DOK5: variants seen among roughly 807,000 people sequenced by gnomAD.
DOK5 encodes downstream of tyrosine kinase 5.
In DOK5, 27 loss-of-function variants were observed where a neutral mutation model predicts 43.3. The ratio of observed to expected loss-of-function variants is 0.62; its 90% CI spans 0.46 to 0.86. The LOEUF is 0.86. Among genes scored for constraint, DOK5 ranks in the 40% least tolerant of loss-of-function variants. The probability of loss-of-function intolerance (pLI) is 0.00; values close to 1 mark genes in which losing one functional copy is unlikely to be tolerated. For synonymous variants in DOK5, 146 were observed against 140.1 expected, an observed-to-expected ratio of 1.04 and a Z score of -0.30; for missense variants, 373 against 392.9, an observed-to-expected ratio of 0.95 and a Z score of 0.43.
At chr20:54,562,565 T>G (rs904039586) in intron 2 of DOK5, among the ~76,000 whole-genome samples, 5 of 152,096 alleles carry the variant, frequency 3.3e-5, no homozygotes, top group Non-Finnish European at 7.4e-5. Context: ...ACTACAGGCG[T>G]GCGCCACCAT....
chr20:54,494,765 C>G (rs192582310), intron 1 of DOK5: 2 of 150,690 alleles, frequency 1.3e-5, no homozygotes, highest in Admixed American at 1.3e-4. Context: ...GAGTACATCA[C>G]AGCTGACCTG....
intron 4 of DOK5, among the ~76,000 whole-genome samples, chr20:54,589,328 A>T (rs914130695): frequency 1.3e-5 from 2 of 152,188 alleles, no homozygotes; most frequent in African/African-American, 4.8e-5. Context: ...ACAACTTTCC[A>T]ATGTTTTCAA....
intron 1 of DOK5, among the ~76,000 whole-genome samples, chr20:54,542,183 A>G (rs1374513098): frequency 1.3e-5 from 2 of 152,202 alleles, no homozygotes; most frequent in African/African-American, 2.4e-5. Context: ...AAAGCACAAC[A>G]AAGACAGCAG....
chr20:54,485,313 A>G (rs1981887869), intron 1 of DOK5, among the ~76,000 whole-genome samples: 1 of 150,262 alleles, frequency 6.7e-6, no homozygotes, highest in Non-Finnish European at 1.5e-5. Context: ...AGATCGTGCC[A>G]TTGCACTCCA....
At position 54,650,474 on chromosome 20, in the gene DOK5, C is replaced by T; in HGVS notation, c.916C>T (p.His306Tyr). ...GACTTTTCCAGCCTACAGATCTGAG[C>T]ACTGACAGTAACTGCCAAGAATTGT... The part of the protein sequence containing the change: ...TETFPAYRSE[H>Y] Residue 306 changes from histidine (H) to tyrosine (Y), a missense_variant, in exon 8 of 8, where the codon CAC (histidine) becomes TAC (tyrosine). By Grantham distance (83) the His-to-Tyr change is moderately conservative (BLOSUM62 2). Transcript: ENST00000262593. 2 of 1,613,924 alleles carry T rather than the reference C, an allele frequency of 1.2e-6. No individual in the cohort carries two copies. The highest frequency in any genetic ancestry group is 1.7e-6 in the Non-Finnish European group (2 of 1,179,932).
At chr20:54,547,674 G>T (rs1362501056) in intron 1 of DOK5, among the ~76,000 whole-genome samples, 1 of 152,130 alleles carries the variant, frequency 6.6e-6, no homozygotes, top group Non-Finnish European at 1.5e-5. Context: ...TTCATGGATT[G>T]GTGACAATTT....
intron 1 of DOK5, among the ~76,000 whole-genome samples, chr20:54,502,617 T>C (rs1273408680): frequency 6.6e-6 from 1 of 152,204 alleles, no homozygotes; most frequent in Non-Finnish European, 1.5e-5. Context: ...TATACATATA[T>C]AGGTATATTT....
intron 1 of DOK5, among the ~76,000 whole-genome samples, chr20:54,481,767 TAAA>T (rs747590591): frequency 6.3e-4 from 96 of 152,356 alleles, no homozygotes; most frequent in Non-Finnish European, 1.2e-3. Context: ...GTGACTGCGT[TAAA>T]ATCCCAACTC....
At chr20:54,496,868 T>G (rs1010597413) in intron 1 of DOK5, among the ~76,000 whole-genome samples, 5 of 151,692 alleles carry the variant, frequency 3.3e-5, no homozygotes, top group Admixed American at 6.6e-5. Context: ...ACTTTACAGA[T>G]GGGGAAACTG....
In DOK5 at chr20:54,481,183, T is replaced by C. The variant is rs1004804184; in HGVS notation, c.66+5171T>C. On this transcript the variant is annotated intron_variant, in intron 1 of 7. Transcript: ENST00000262593. Reference sequence around the variant, plus strand: ...CTATCTATCTATCTATCTATCTATATTTTTTTGGCGGAGTCTTGCTCTTTT... The same window carrying C: ...CTATCTATCTATCTATCTATCTATACTTTTTTGGCGGAGTCTTGCTCTTTT... 3.3e-5 allele frequency among the ~76,000 whole-genome samples: 5 copies of C among 151,234 alleles called. No individual in the cohort carries two copies. In the Admixed American group the frequency reaches 3.3e-4, roughly 10 times the overall value.
chr20:54,591,614 A>G lies in DOK5; in HGVS notation c.410-2A>G. The G allele has an allele frequency of 3.8e-6, 6 of 1,585,474 alleles. No homozygotes were observed. Among genetic ancestry groups the G allele is most frequent in the Non-Finnish European group, 5.2e-6 (6 of 1,164,926 alleles). The stretch of plus-strand genomic sequence containing the variant: ...TAGACTAACCTTTTGTTTTTCTCCC[A>G]GAGAGATTCAATGTGTATTTGATGC... On this transcript the variant is annotated splice_acceptor_variant, in intron 4 of 7. Transcript: ENST00000262593. LOFTEE classifies it high-confidence loss of function.
chr20:54,610,950 A>C (rs961825379), intron 6 of DOK5, among the ~76,000 whole-genome samples: 8 of 152,234 alleles, frequency 5.3e-5, no homozygotes, highest in African/African-American at 1.7e-4. Context: ...AACTGTTGAC[A>C]TGAGAACAAG....
chr20:54,487,062 A>C (rs561716719), intron 1 of DOK5, among the ~76,000 whole-genome samples: 1 of 152,194 alleles, frequency 6.6e-6, no homozygotes, highest in Non-Finnish European at 1.5e-5. Context: ...TTAGAACATA[A>C]AGACTTGAAT....
intron 1 of DOK5, chr20:54,476,330 C>CG: frequency 1.6e-6 from 1 of 643,292 alleles, no homozygotes; most frequent in Non-Finnish European, 1.9e-6. Context: ...GAAGCCCGGG[C>CG]GGGGGTGCCT....
Position 54,475,986 on chromosome 20 carries a change from G to A in DOK5, c.40G>A (p.Val14Met), listed in dbSNP as rs1416723284. Residue 14 changes from valine (V) to methionine (M), a missense_variant, in exon 1 of 8, where the codon GTG becomes ATG. Coordinates refer to ENST00000262593, the MANE Select transcript of DOK5 (RefSeq NM_018431.5). The surrounding 1 kb of genome is among the most constrained non-coding windows in gnomAD (Gnocchi z 4.2). ...TAATGACATAGTGAAGCAAGGGTAC[G>A]TGAGGATCCGGAGCAGACGCCTCGG... The part of the protein sequence containing the change: ...NFNDIVKQGY[V>M]RIRSRRLGIY... The A allele has an allele frequency of 1.9e-6, 3 of 1,613,354 alleles. No individual in the cohort carries two copies. The highest frequency in any genetic ancestry group is 2.5e-6 in the Non-Finnish European group (3 of 1,179,946).
At chr20:54,517,818 T>C (rs890481688) in intron 1 of DOK5, among the ~76,000 whole-genome samples, 3 of 152,222 alleles carry the variant, frequency 2.0e-5, no homozygotes, top group African/African-American at 7.2e-5. Flanking sequence ...GTCATTTATC[T>C]TTTCATCATG....
chr20:54,616,784 C>CTTTTTTTT (rs550110589), intron 6 of DOK5, among the ~76,000 whole-genome samples: 3 of 105,758 alleles, frequency 2.8e-5, no homozygotes, highest in Admixed American at 1.1e-4. Flanking sequence ...TTTTTTTTTT[C>CTTTTTTTT]TTTTTTTTTT....
At chr20:54,610,295 A>C (rs1414016097) in intron 5 of DOK5, 93 bp from the exon 6 acceptor site, 3 of 1,239,906 alleles carry the variant, frequency 2.4e-6, no homozygotes, top group Non-Finnish European at 3.2e-6. Context: ...AAAATAATAA[A>C]TGGGCGCAGC....
intron 1 of DOK5, among the ~76,000 whole-genome samples, chr20:54,543,600 AGAGAGAGAG>A (rs955905470): frequency 6.7e-6 from 1 of 148,352 alleles, no homozygotes; most frequent in African/African-American, 2.6e-5. Context: ...AGAGAAAGAA[AGAGAGAGAG>A]GAGAGAGAGG....
Sources: allele counts gnomAD v4.1 joint callset (sites outside exome capture counted in the v4.1 genomes callset), GRCh38; gene constraint gnomAD v4.1.1; non-coding constraint Gnocchi (gnomAD v3.1); transcripts MANE v1.5; gene names NCBI Gene and HGNC (gene_info 2026-07-23, HGNC 2026-07-21).